FAM13A: variants seen among roughly 807,000 people sequenced by gnomAD.
FAM13A encodes the protein family with sequence similarity 13 member A.
In FAM13A, 76 loss-of-function variants were observed where a neutral mutation model predicts 129.6. The observed-to-expected ratio is 0.59, with a 90% confidence interval of 0.49 to 0.71. The LOEUF is 0.71. FAM13A is among the 30% of genes least tolerant of loss of function. FAM13A has a pLI of 0.00. For missense variants in FAM13A, 1,108 were observed against 1,249.3 expected (o/e 0.89, Z 1.70); for synonymous variants, 443 against 449.9 (o/e 0.98, Z 0.20).
At chr4:88,872,647 G>C (rs1741622966) in intron 6 of FAM13A, among the ~76,000 whole-genome samples, 1 of 152,170 alleles carries the variant, frequency 6.6e-6, no homozygotes, top group South Asian at 2.1e-4. Context: ...CAAGTCCTTA[G>C]ACACCTGCAA....
chr4:88,898,730 T>C (rs1311613532), intron 6 of FAM13A, among the ~76,000 whole-genome samples: 1 of 151,944 alleles, frequency 6.6e-6, no homozygotes, highest in Non-Finnish European at 1.5e-5. Context: ...AAAGTAGCTT[T>C]ATAAATGTCA....
chr4:88,807,259 T>C (rs1728743089), intron 7 of FAM13A, among the ~76,000 whole-genome samples: 1 of 152,192 alleles, frequency 6.6e-6, no homozygotes, highest in Non-Finnish European at 1.5e-5. Context: ...TCTTAGCTAT[T>C]TGTGTGTGTC....
intron 2 of FAM13A, among the ~76,000 whole-genome samples, chr4:89,021,218 G>C (rs773534936): frequency 6.6e-6 from 1 of 152,202 alleles, no homozygotes; most frequent in Non-Finnish European, 1.5e-5. Context: ...GGGGATATCA[G>C]TGTCAGCTGA....
Position 88,895,714 on chromosome 4 carries a change from A to T in FAM13A, c.843+10665T>A, listed in dbSNP as rs573285347. Among the ~76,000 whole-genome samples, 992 of 118,206 alleles carry T rather than the reference A, an allele frequency of 8.4e-3. 5 individuals are homozygous for T. The highest frequency in any genetic ancestry group is 0.014 in the Non-Finnish European group (801 of 57,438). 77.5% of individuals were successfully genotyped at this position (118,206 alleles called of 152,430 possible). A position where few individuals can be genotyped will look rare whatever the true frequency, so the allele number is the denominator to read the frequency against. ...TCAGAGAAATGCAAATCAAAACCACAATGAGATACCATCTCACACCAGTTA... is the reference window on the plus strand; with the variant it reads ...TCAGAGAAATGCAAATCAAAACCACTATGAGATACCATCTCACACCAGTTA... On this transcript the variant is annotated intron_variant, in intron 6 of 23. Transcript: ENST00000264344.
At chr4:88,826,192 C>T (rs985665665) in intron 7 of FAM13A, among the ~76,000 whole-genome samples, 1 of 152,046 alleles carries the variant, frequency 6.6e-6, no homozygotes, top group African/African-American at 2.4e-5. Flanking sequence ...TCCCTCTTAA[C>T]CCCCACTACT....
chr4:88,970,444 GAT>G (rs199876516), intron 4 of FAM13A, among the ~76,000 whole-genome samples: 11 of 148,612 alleles, frequency 7.4e-5, no homozygotes, highest in Non-Finnish European at 1.3e-4. Context: ...GAGAGAGAGA[GAT>G]ATATATATAT....
intron 1 of FAM13A, among the ~76,000 whole-genome samples, chr4:89,043,190 A>C (rs1431155182): frequency 5.3e-5 from 8 of 152,208 alleles, no homozygotes; most frequent in African/African-American, 1.7e-4. Flanking sequence ...GCTGAACAAG[A>C]CTCAGCTGAT....
chr4:88,806,059 G>A (rs902954132), intron 7 of FAM13A, among the ~76,000 whole-genome samples: 21 of 151,976 alleles, frequency 1.4e-4, no homozygotes, highest in African/African-American at 5.1e-4. Context: ...TGATCTCAAA[G>A]TATAGAATGA....
intron 7 of FAM13A, among the ~76,000 whole-genome samples, chr4:88,845,011 G>A (rs1272826664): frequency 6.6e-6 from 1 of 152,198 alleles, no homozygotes; most frequent in African/African-American, 2.4e-5. Context: ...ATCACATATA[G>A]AGTTAAGAGT....
At chr4:88,861,057 C>T (rs1739406177) in intron 6 of FAM13A, among the ~76,000 whole-genome samples, 2 of 152,146 alleles carry the variant, frequency 1.3e-5, no homozygotes, top group Admixed American at 6.5e-5. Context: ...AGTCCCTTAA[C>T]TTCTCTGAGG....
chr4:88,989,856 A>C (rs1323446819), intron 4 of FAM13A: 11 of 152,156 alleles, frequency 7.2e-5, no homozygotes. Context: ...CCTGTTCTAG[A>C]ATCTAGGTTT....
At chr4:88,922,727 C>T (rs539850826) in intron 5 of FAM13A, among the ~76,000 whole-genome samples, 3 of 152,076 alleles carry the variant, frequency 2.0e-5, no homozygotes, top group South Asian at 2.1e-4. Context: ...GAAATAGAGA[C>T]ACAAAAAACC....
At chr4:89,040,115 T>C (rs1054962770) in intron 1 of FAM13A, among the ~76,000 whole-genome samples, 4 of 152,206 alleles carry the variant, frequency 2.6e-5, no homozygotes, top group African/African-American at 9.6e-5. Flanking sequence ...AGCTACAGTA[T>C]TCCTTATCCT....
chr4:88,928,843 A>G (rs1156583810), intron 5 of FAM13A, among the ~76,000 whole-genome samples: 1 of 151,930 alleles, frequency 6.6e-6, no homozygotes, highest in Non-Finnish European at 1.5e-5. Flanking sequence ...ATCCTGTCAT[A>G]TTGTTAATTG....
At chr4:88,804,918 C>G in intron 8 of FAM13A, 93 bp downstream of exon 8, 1 of 731,984 alleles carries the variant, frequency 1.4e-6, no homozygotes, top group Non-Finnish European at 2.4e-6. Context: ...AATGAATGTT[C>G]TATTGAAAGA....
Position 88,925,957 on chromosome 4 carries a change from A to G in FAM13A, c.759+12131T>C, listed in dbSNP as rs1752080197. Among the ~76,000 whole-genome samples the G allele has an allele frequency of 2.6e-5, 4 of 152,178 alleles. No individual in the cohort carries two copies. In the South Asian group the frequency reaches 8.3e-4, roughly 32 times the overall value. ...TTTGAGATGTCTCAGTTGGACCCGC[A>G]CCAACTTAACCAGAAGCAGAACTTG... On this transcript the variant is annotated intron_variant, in intron 5 of 23. Transcript: ENST00000264344.
At chr4:88,858,445 C>T (rs1323620848) in intron 6 of FAM13A, among the ~76,000 whole-genome samples, 9 of 152,258 alleles carry the variant, frequency 5.9e-5, no homozygotes, top group Admixed American at 1.3e-4. Context: ...ATTTTGTATA[C>T]TAATGTTCAC....
Position 88,808,607 on chromosome 4 carries a change from G to C in FAM13A, c.1008-3555C>G, listed in dbSNP as rs1729049454. On this transcript the variant is annotated intron_variant, in intron 7 of 23. Coordinates refer to ENST00000264344, the MANE Select transcript of FAM13A (RefSeq NM_014883.4). ...TTTTAAAAATAAGCACATGTTCTGT[G>C]AATGAAGAAGGAAGTGTGTGTCATG... 2.0e-5 allele frequency among the ~76,000 whole-genome samples: 3 copies of C among 152,066 alleles called. No individual in the cohort carries two copies. The South Asian group carries it at 6.2e-4, about 32-fold the overall frequency.
In FAM13A at chr4:88,783,051, A is replaced by G. The variant is rs1017950792; in HGVS notation, c.1272-1700T>C. ...CAGGGTACATGAGATATTTTGATACAGGCATGCAATGCATAATAATTACAT... is the reference window on the plus strand; with the variant it reads ...CAGGGTACATGAGATATTTTGATACGGGCATGCAATGCATAATAATTACAT... On this transcript the variant is annotated intron_variant, in intron 10 of 23. Transcript: ENST00000264344. Among the ~76,000 whole-genome samples the G allele has an allele frequency of 2.6e-5, 4 of 152,146 alleles. No homozygotes were observed. The East Asian group carries it at 7.7e-4, about 29-fold the overall frequency.
Sources: gnomAD v4.1 joint callset for allele counts (sites outside exome capture counted in the v4.1 genomes callset) on GRCh38, gnomAD v4.1.1 for gene constraint, MANE v1.5 for transcripts, NCBI Gene and HGNC (gene_info 2026-07-23, HGNC 2026-07-21) for gene names.